The following GABPB1 variants were observed in gnomAD, a reference collection of about 807,000 sequenced individuals.
The protein encoded by GABPB1 is GA-binding protein subunit beta-1.
A neutral mutation model predicts 45.9 loss-of-function variants in GABPB1; 15 were observed. The observed-to-expected ratio is 0.33, with a 90% CI of 0.22 to 0.50. The LOEUF (loss-of-function observed/expected upper bound fraction) is 0.50. Ranked by LOEUF, GABPB1 falls within the 20% of genes least tolerant of loss-of-function variation. GABPB1 has a pLI of 0.98. For missense variants in GABPB1, 252 were observed against 457.5 expected (o/e 0.55, Z 4.10); for synonymous variants, 143 against 154.4 (o/e 0.93, Z 0.55).
intron 5 of GABPB1, 159 bp from the exon 6 acceptor site, chr15:50,301,061 A>T: frequency 1.2e-6 from 1 of 864,586 alleles, no homozygotes; most frequent in East Asian, 2.5e-5. Context: ...ACCTTTCTTC[A>T]GATTGTTTTG....
chr15:50,325,187 A>T (rs2047706229), intron 1 of GABPB1, among the ~76,000 whole-genome samples: 2 of 152,068 alleles, frequency 1.3e-5, no homozygotes, highest in African/African-American at 4.8e-5. Flanking sequence ...CATGAGGAAG[A>T]GGGACAAGTG....
intron 1 of GABPB1, among the ~76,000 whole-genome samples, chr15:50,329,833 T>C (rs2047890620): frequency 6.6e-6 from 1 of 152,136 alleles, no homozygotes; most frequent in Non-Finnish European, 1.5e-5. Context: ...AATTTGTCTT[T>C]TAAGTGTTTC....
intron 1 of GABPB1, among the ~76,000 whole-genome samples, chr15:50,323,051 G>A (rs2047630842): frequency 6.6e-6 from 1 of 152,074 alleles, no homozygotes; most frequent in Admixed American, 6.5e-5. Context: ...ATAATATTTT[G>A]GATGTAAGGG....
intron 1 of GABPB1, among the ~76,000 whole-genome samples, chr15:50,313,852 A>C (rs1005978600): frequency 6.6e-6 from 1 of 151,994 alleles, no homozygotes; most frequent in Non-Finnish European, 1.5e-5. Flanking sequence ...AATTTAAAAA[A>C]TTTTTTTTCA....
intron 1 of GABPB1, among the ~76,000 whole-genome samples, chr15:50,324,077 C>T (rs1199939649): frequency 2.0e-5 from 3 of 151,970 alleles, no homozygotes; most frequent in Non-Finnish European, 1.5e-5. Context: ...GTGGCACACA[C>T]CTGTGGTCCC....
intron 1 of GABPB1, 51 bp from the exon 2 acceptor site, chr15:50,309,849 T>C: frequency 9.6e-7 from 1 of 1,036,762 alleles, no homozygotes; most frequent in Non-Finnish European, 1.5e-6. Flanking sequence ...TTATACACTA[T>C]GACATGACAT....
intron 6 of GABPB1, among the ~76,000 whole-genome samples, chr15:50,296,698 T>C (rs1330325057): frequency 6.6e-6 from 1 of 152,134 alleles, no homozygotes; most frequent in Non-Finnish European, 1.5e-5. Context: ...GTCCCACTAA[T>C]GTATTTTCCA....
At chr15:50,315,607 T>C (rs894956510) in intron 1 of GABPB1, among the ~76,000 whole-genome samples, 5 of 152,198 alleles carry the variant, frequency 3.3e-5, no homozygotes, top group Admixed American at 1.3e-4. Flanking sequence ...AAGTTTTAAA[T>C]AATGAAAACA....
intron 8 of GABPB1, chr15:50,282,159 C>T (rs1445719323): frequency 7.9e-6 from 3 of 381,886 alleles, no homozygotes; most frequent in Non-Finnish European, 1.5e-5. Context: ...GTGATTGCAC[C>T]ACTGCACTCC....
intron 1 of GABPB1, among the ~76,000 whole-genome samples, chr15:50,338,664 G>T (rs183899830): frequency 4.3e-4 from 65 of 151,960 alleles, no homozygotes; most frequent in Admixed American, 3.7e-3. Flanking sequence ...TGTAGAGACG[G>T]GGCTTCACCA....
intron 1 of GABPB1, among the ~76,000 whole-genome samples, chr15:50,316,102 TA>T (rs1350419494): frequency 1.3e-5 from 2 of 152,324 alleles, no homozygotes; most frequent in African/African-American, 4.8e-5. Context: ...GCTAGATTTT[TA>T]AAAAATCATT....
chr15:50,321,050 A>G (rs148268977), intron 1 of GABPB1, among the ~76,000 whole-genome samples: 132 of 152,304 alleles, frequency 8.7e-4, no homozygotes, highest in African/African-American at 3.1e-3. Flanking sequence ...GTTATAGCAA[A>G]TAGGAAATTA....
intron 1 of GABPB1, among the ~76,000 whole-genome samples, chr15:50,314,186 TA>T (rs371907373): frequency 1.4e-4 from 16 of 114,446 alleles, no homozygotes; most frequent in Admixed American, 3.8e-4. Context: ...TTTATTTATT[TA>T]TTTATTTATT....
intron 6 of GABPB1, among the ~76,000 whole-genome samples, chr15:50,292,314 CAAAAAAAAAAAA>C (rs762047613): frequency 4.0e-5 from 2 of 49,568 alleles, no homozygotes; most frequent in East Asian, 4.8e-4. Context: ...GACTCCATCT[CAAAAAAAAAAAA>C]AAAAAAAAAA....
chr15:50,317,908 CAA>C (rs11300579), intron 1 of GABPB1, among the ~76,000 whole-genome samples: 151 of 132,474 alleles, frequency 1.1e-3, no homozygotes, highest in Middle Eastern at 7.5e-3. Context: ...GACTCCGTAT[CAA>C]AAAAAAAAAA....
chr15:50,312,066 A>C (rs11070766), intron 1 of GABPB1, among the ~76,000 whole-genome samples: 74,754 of 151,892 alleles, frequency 0.49, 19,490 homozygotes, highest in Middle Eastern at 0.65. Flanking sequence ...ATATTATGGC[A>C]AGGCGCAGCA....
chr15:50,340,416 A>G (rs1008298910), intron 1 of GABPB1, among the ~76,000 whole-genome samples: 3 of 152,160 alleles, frequency 2.0e-5, no homozygotes, highest in African/African-American at 7.2e-5. Context: ...AGAAATGTAT[A>G]CATTGAAAAT....
chr15:50,354,272 G>C (rs1373942639), intron 1 of GABPB1: 1 of 385,158 alleles, frequency 2.6e-6, no homozygotes, highest in Non-Finnish European at 5.1e-6. Flanking sequence ...CTTTGGGGCA[G>C]AAGTCCCGAG....
chr15:50,300,443 T>G (rs1206346343), intron 6 of GABPB1, among the ~76,000 whole-genome samples: 1 of 120,246 alleles, frequency 8.3e-6, no homozygotes, highest in African/African-American at 2.9e-5. Context: ...TTGGTTTTTT[T>G]TTTTTTTTTT....
Sources: gnomAD v4.1 joint callset for allele counts (sites outside exome capture counted in the v4.1 genomes callset) on GRCh38, gnomAD v4.1.1 for gene constraint, MANE v1.5 for transcripts, NCBI Gene and HGNC (gene_info 2026-07-23, HGNC 2026-07-21) for gene names.